CD2: variants seen among roughly 807,000 people sequenced by gnomAD.
CD2 encodes CD2 molecule.
CD2 carries 18 observed loss-of-function variants against 23.2 expected under a neutral mutation model. The observed-to-expected ratio is 0.77, with a 90% CI of 0.54 to 1.15. CD2 has a LOEUF of 1.15. CD2 is among the 50% of genes most tolerant of loss of function. The probability of loss-of-function intolerance (pLI) is 0.00; values close to 1 mark genes in which losing one functional copy is unlikely to be tolerated. For missense variants in CD2, 424 were observed against 423.1 expected (o/e 1.00, Z -0.02); for synonymous variants, 162 against 151.9 (o/e 1.07, Z -0.49).
chr1:116,760,025 G>A (rs1651990038), intron 2 of CD2, among the ~76,000 whole-genome samples: 1 of 152,106 alleles, frequency 6.6e-6, no homozygotes, highest in Admixed American at 6.5e-5. Context: ...GTTTTAGGTG[G>A]TGCCCCAAGA....
chr1:116,755,994 A>G (rs1457356131), intron 2 of CD2, among the ~76,000 whole-genome samples: 1 of 152,124 alleles, frequency 6.6e-6, no homozygotes. Flanking sequence ...CACACAGAAA[A>G]TATCACCAGA....
At chr1:116,755,886 G>A (rs993380523) in intron 2 of CD2, among the ~76,000 whole-genome samples, 1 of 152,116 alleles carries the variant, frequency 6.6e-6, no homozygotes, top group Non-Finnish European at 1.5e-5. Context: ...TGACAAGAAG[G>A]GAAAAGAAGA....
intron 2 of CD2, among the ~76,000 whole-genome samples, chr1:116,757,740 C>CATACAT (rs1557915830): frequency 6.7e-6 from 1 of 149,084 alleles, no homozygotes; most frequent in Non-Finnish European, 1.5e-5. Context: ...TAAAATATTA[C>CATACAT]ATATATATAT....
At chr1:116,758,437 G>C (rs1651931026) in intron 2 of CD2, among the ~76,000 whole-genome samples, 1 of 151,932 alleles carries the variant, frequency 6.6e-6, no homozygotes, top group Non-Finnish European at 1.5e-5. Flanking sequence ...TCAGCACCTG[G>C]GCCTACCAGC....
intron 3 of CD2, 112 bp from the exon 4 acceptor site, chr1:116,764,372 G>T (rs1025774383): frequency 4.1e-6 from 6 of 1,479,190 alleles, no homozygotes; most frequent in Non-Finnish European, 4.5e-6. Context: ...TGGGGTGAAA[G>T]GTCCCAACAA....
chr1:116,756,966 C>T (rs1225903241), intron 2 of CD2, among the ~76,000 whole-genome samples: 1 of 151,532 alleles, frequency 6.6e-6, no homozygotes, highest in Admixed American at 6.6e-5. Flanking sequence ...TGCCCTCCCA[C>T]ATCTCTTTGT....
Position 116,754,754 on chromosome 1 carries a change from C to T in CD2, c.185C>T (p.Thr62Ile). ...ATTGACGATATAAAATGGGAAAAAA[C>T]TTCAGACAAGAAAAAGATTGCACAA... ...DDIDDIKWEK[T>I]SDKKKIAQFR... The change falls in exon 2 of 5, where the codon ACT becomes ATT. Residue 62 changes from threonine (T) to isoleucine (I), a missense_variant. Physicochemically the swap from Thr to Ile is moderately conservative, Grantham distance 89. Transcript: ENST00000369478. 6.2e-7 allele frequency: 1 copy of T among 1,613,620 alleles called. No individual in the cohort carries two copies. Among genetic ancestry groups the T allele is most frequent in the Non-Finnish European group, 8.5e-7 (1 of 1,179,812 alleles).
At chr1:116,765,908 G>C (rs992302412) in intron 4 of CD2, among the ~76,000 whole-genome samples, 1 of 152,262 alleles carries the variant, frequency 6.6e-6, no homozygotes, top group Non-Finnish European at 1.5e-5. Context: ...AGTGCATCCA[G>C]CTTTCAGAGT....
rs752328008 is a variant in CD2, at chr1:116,760,426, C to T, written c.407C>T (p.Ser136Phe). 6.2e-7 allele frequency: 1 copy of T among 1,614,140 alleles called. No homozygotes were observed. The highest frequency in any genetic ancestry group is 2.2e-5 in the East Asian group (1 of 44,884). The change falls in exon 3 of 5, where the codon TCC becomes TTC. Residue 136 changes from serine (S) to phenylalanine (F), a missense_variant. Ser to Phe is a radical substitution (Grantham distance 155). Coordinates refer to ENST00000369478, the MANE Select transcript of CD2 (RefSeq NM_001767.5). ...GAGAGGGTCTCAAAACCAAAGATCT[C>T]CTGGACTTGTATCAACACAACCCTG... is the stretch of plus-strand genomic sequence containing the variant. Reference protein sequence around the residue: ...IQERVSKPKISWTCINTTLTC... With the variant: ...IQERVSKPKIFWTCINTTLTC...
chr1:116,756,594 C>T (rs1651857415), intron 2 of CD2, among the ~76,000 whole-genome samples: 1 of 152,020 alleles, frequency 6.6e-6, no homozygotes, highest in African/African-American at 2.4e-5. Flanking sequence ...CAAGCAGCTT[C>T]ATTGAGATAA....
At position 116,764,536 on chromosome 1, in the gene CD2, C is replaced by T. The variant is rs376275078; in HGVS notation, c.666C>T (p.Leu222=). 1.7e-4 allele frequency: 280 copies of T among 1,613,948 alleles called. No homozygotes were observed. The highest frequency in any genetic ancestry group is 2.2e-4 in the Non-Finnish European group (264 of 1,180,016). The change falls in exon 4 of 5, where the codon CTC becomes CTT. Residue 222 remains leucine, a synonymous_variant. Coordinates refer to ENST00000369478, the MANE Select transcript of CD2 (RefSeq NM_001767.5). The part of the protein sequence containing the change: ...LIIGICGGGS[L]LMVFVALLVF... ...TTGGCATATGTGGAGGAGGCAGCCT[C>T]TTGATGGTCTTTGTGGCACTGCTCG...
intron 4 of CD2, among the ~76,000 whole-genome samples, chr1:116,765,855 A>C (rs1652200653): frequency 6.6e-6 from 1 of 152,270 alleles, no homozygotes; most frequent in Non-Finnish European, 1.5e-5. Context: ...TGGTTAGCTC[A>C]TGCTGATAAA....
Position 116,754,736 on chromosome 1 carries a change from A to T in CD2, c.167A>T (p.Asp56Val), listed in dbSNP as rs1370035078. 5 of 1,613,616 alleles carry T rather than the reference A, an allele frequency of 3.1e-6. No homozygotes were observed. The highest frequency in any genetic ancestry group is 4.2e-6 in the Non-Finnish European group (5 of 1,179,724). The change falls in exon 2 of 5, where the codon GAT (aspartate) becomes GTT (valine). Residue 56 changes from aspartate to valine, a missense_variant. Physicochemically the swap from Asp to Val is radical, Grantham distance 152. Transcript: ENST00000369478. ...PSFQMSDDID[D>V]IKWEKTSDKK... is the part of the protein sequence containing the mutation. The stretch of plus-strand genomic sequence containing the variant: ...TTTCAAATGAGTGATGATATTGACG[A>T]TATAAAATGGGAAAAAACTTCAGAC...
At chr1:116,768,087 G>C (rs1356515592) in intron 4 of CD2, among the ~76,000 whole-genome samples, 2 of 152,144 alleles carry the variant, frequency 1.3e-5, no homozygotes, top group Non-Finnish European at 2.9e-5. Context: ...CTCCATGACT[G>C]CTCATAACCC....
chr1:116,758,655 CGA>C (rs1651939148), intron 2 of CD2, among the ~76,000 whole-genome samples: 1 of 152,112 alleles, frequency 6.6e-6, no homozygotes, highest in South Asian at 2.1e-4. Flanking sequence ...GCACAGAACT[CGA>C]GTGTCCTGTT....
chr1:116,756,305 C>G (rs868102826), intron 2 of CD2, among the ~76,000 whole-genome samples: 1 of 152,180 alleles, frequency 6.6e-6, no homozygotes. Context: ...GTGAGCCCTA[C>G]GCGGGGGACC....
At chr1:116,755,131 A>T in intron 2 of CD2, 180 bp downstream of exon 2, 1 of 607,554 alleles carries the variant, frequency 1.6e-6, no homozygotes, top group Non-Finnish European at 2.9e-6. Context: ...TGGGATCCAC[A>T]CATCTGATAG....
chr1:116,765,547 C>T (rs976811946), intron 4 of CD2, among the ~76,000 whole-genome samples: 6 of 152,306 alleles, frequency 3.9e-5, no homozygotes, highest in Admixed American at 2.6e-4. Flanking sequence ...CTCAGCCCCA[C>T]GTCCCATCAC....
At chr1:116,767,049 C>G (rs146839924) in intron 4 of CD2, among the ~76,000 whole-genome samples, 3 of 152,116 alleles carry the variant, frequency 2.0e-5, no homozygotes, top group South Asian at 4.1e-4. Flanking sequence ...CTGCAGGGCA[C>G]GGAAGATGGC....
Sources: allele counts gnomAD v4.1 joint callset (sites outside exome capture counted in the v4.1 genomes callset), GRCh38; gene constraint gnomAD v4.1.1; transcripts MANE v1.5; gene names NCBI Gene and HGNC (gene_info 2026-07-23, HGNC 2026-07-21).